TFDP3: variants seen among roughly 807,000 people sequenced by gnomAD.
The protein encoded by TFDP3 is E2F-like protein.
For missense variants in TFDP3, 353 were observed against 321.6 expected (o/e 1.10, Z -0.75); for synonymous variants, 167 against 131.3 (o/e 1.27, Z -1.86).
Position 133,217,737 on chromosome X carries a change from T to G in TFDP3, c.523A>C (p.Asn175His), listed in dbSNP as rs372789532. 21 of 1,210,374 alleles carry G rather than the reference T, an allele frequency of 1.7e-5. No individual in the cohort carries two copies. Among genetic ancestry groups the G allele is most frequent in the Non-Finnish European group, 2.2e-5 (20 of 895,364 alleles). ...TTCTTTTTCTCCCTGGAGATGATAT[T>G]CATGGCCATCAGCACGTTTAAGGCA... is the stretch of plus-strand genomic sequence containing the variant. ...YDALNVLMAM[N>H]IISREKKKIK... Residue 175 changes from asparagine (N) to histidine (H), a missense_variant, in exon 1 of 1, where the codon AAT becomes CAT. Asn to His is a moderately conservative substitution (Grantham distance 68). Transcript: ENST00000310125.
chrX:133,217,078 G>A lies in TFDP3; in HGVS notation c.1182C>T (p.Asn394=), dbSNP rs751698892. 24 of 1,206,640 alleles carry A rather than the reference G, an allele frequency of 2.0e-5. No homozygotes were observed. The highest frequency in any genetic ancestry group is 2.5e-5 in the Non-Finnish European group (22 of 893,255). The part of the protein sequence containing the change: ...AVEEEEEEDN[N]DDDLSENDED... ...CGTCATTCTCACTGAGGTCGTCATCGTTGTTGTCCTCCTCCTCTTCCTCCT... is the reference window on the plus strand; with the variant it reads ...CGTCATTCTCACTGAGGTCGTCATCATTGTTGTCCTCCTCCTCTTCCTCCT... Residue 394 remains asparagine, a synonymous_variant, in exon 1 of 1, where the codon AAC becomes AAT. Coordinates refer to ENST00000310125, the MANE Select transcript of TFDP3 (RefSeq NM_016521.3).
rs1365194831 is a variant in TFDP3, at chrX:133,217,871, C to A, written c.389G>T (p.Cys130Phe). 8.3e-7 allele frequency: 1 copy of A among 1,211,686 alleles called. No individual in the cohort carries two copies. The highest frequency in any genetic ancestry group is 1.8e-5 in the South Asian group (1 of 56,983). Reference protein sequence around the residue: ...ETVQRKGTTSCQEVVGELVAK... With the variant: ...ETVQRKGTTSFQEVVGELVAK... ...GACCAGCTCGCCCACCACTTCCTGG[C>A]AGGAAGTGGTCCCTTTCCTCTGCAC... is the stretch of plus-strand genomic sequence containing the variant. The change falls in exon 1 of 1, where the codon TGC becomes TTC. Residue 130 changes from cysteine to phenylalanine, a missense_variant. Transcript: ENST00000310125.
chrX:133,218,292 G>A lies in TFDP3; in HGVS notation c.-33C>T. On this transcript the variant is annotated 5_prime_UTR_variant, in exon 1 of 1. Coordinates refer to ENST00000310125, the MANE Select transcript of TFDP3 (RefSeq NM_016521.3). ...GATTTGGGAAATAAATGCTATAAAT[G>A]TTCACCTTTCCAGAGAAGAAAAACA... is the stretch of plus-strand genomic sequence containing the variant. 1.8e-6 allele frequency: 2 copies of A among 1,082,670 alleles called. No individual in the cohort carries two copies. The highest frequency in any genetic ancestry group is 2.4e-6 in the Non-Finnish European group (2 of 820,940). 89.2% of individuals were successfully genotyped at this position (1,082,670 alleles called of 1,213,427 possible).
Position 133,216,980 on chromosome X carries a change from A to C in TFDP3, c.*62T>G. On this transcript the variant is annotated 3_prime_UTR_variant, in exon 1 of 1. Coordinates refer to ENST00000310125, the MANE Select transcript of TFDP3 (RefSeq NM_016521.3). The stretch of plus-strand genomic sequence containing the variant: ...GAAACAGAAAACCTCACATTAAAAA[A>C]AAAAAAAAAGTTTCTTTTCCCTAAA... 8.8e-7 allele frequency: 1 copy of C among 1,137,528 alleles called. No homozygotes were observed. The highest frequency in any genetic ancestry group is 1.8e-5 in the African/African-American group (1 of 54,812). 93.7% of individuals were successfully genotyped at this position (1,137,528 alleles called of 1,213,427 possible). A position where few individuals can be genotyped will look rare whatever the true frequency, so the allele number is the denominator to read the frequency against.
At position 133,217,351 on chromosome X, in the gene TFDP3, C is replaced by A. The variant is rs757327847; in HGVS notation, c.909G>T (p.Gly303=). Residue 303 remains glycine, a synonymous_variant, in exon 1 of 1, where the codon GGG becomes GGT. Transcript: ENST00000310125. ...CGGCAGAGCAGCTCCCGGACTCTAG[C>A]CCAAAAGTCATGCCCATCCACATCA... The part of the protein sequence containing the change: ...EVLMWMGMTF[G]LESGSCSAED... 3.1e-5 allele frequency: 37 copies of A among 1,210,552 alleles called. No individual in the cohort carries two copies. Among genetic ancestry groups the A allele is most frequent in the Non-Finnish European group, 3.9e-5 (35 of 895,405 alleles).
rs770672252 is a variant in TFDP3 at position 133,217,897 on chromosome X, C to T, written c.363G>A (p.Thr121=). Residue 121 remains threonine, a synonymous_variant, in exon 1 of 1, where the codon ACG becomes ACA. Coordinates refer to ENST00000310125, the MANE Select transcript of TFDP3 (RefSeq NM_016521.3). The part of the protein sequence containing the change: ...LCRLSMKVWE[T]VQRKGTTSCQ... ...AGGAAGTGGTCCCTTTCCTCTGCAC[C>T]GTCTCCCAGACCTTCATGGAAAGAC... is the stretch of plus-strand genomic sequence containing the variant. The T allele has an allele frequency of 3.3e-6, 4 of 1,209,963 alleles. No individual in the cohort carries two copies. The East Asian group carries it at 8.9e-5, about 27-fold the overall frequency.
chrX:133,218,182 G>A lies in TFDP3; in HGVS notation c.78C>T (p.Pro26=), dbSNP rs765488446. Reference sequence around the variant, plus strand: ...TCACGGTGGAGGTGTGAACGGCCACGGGGCGGCTGGTCTGGTTCTCGTCCA... The same window carrying A: ...TCACGGTGGAGGTGTGAACGGCCACAGGGCGGCTGGTCTGGTTCTCGTCCA... The part of the protein sequence containing the change: ...VLMDENQTSR[P]VAVHTSTVNP... The change falls in exon 1 of 1, where the codon CCC becomes CCT. Residue 26 remains proline (P), a synonymous_variant. Transcript: ENST00000310125. 4.9e-5 allele frequency: 58 copies of A among 1,191,185 alleles called. No homozygotes were observed. In the South Asian group the frequency reaches 9.1e-4, roughly 19 times the overall value.
Position 133,216,984 on chromosome X carries a change from A to G in TFDP3, c.*58T>C, listed in dbSNP as rs1409715213. On this transcript the variant is annotated 3_prime_UTR_variant, in exon 1 of 1. Coordinates refer to ENST00000310125, the MANE Select transcript of TFDP3 (RefSeq NM_016521.3). ...CAGAAAACCTCACATTAAAAAAAAAAAAAAAGTTTCTTTTCCCTAAATGTT... is the reference window on the plus strand; with the variant it reads ...CAGAAAACCTCACATTAAAAAAAAAGAAAAAGTTTCTTTTCCCTAAATGTT... 6.2e-6 allele frequency: 7 copies of G among 1,136,130 alleles called. No individual in the cohort carries two copies. The African/African-American group carries it at 1.3e-4, about 21-fold the overall frequency. 93.6% of individuals were successfully genotyped at this position (1,136,130 alleles called of 1,213,427 possible).
chrX:133,218,076 G>A lies in TFDP3; in HGVS notation c.184C>T (p.Pro62Ser). ...NIDQQVVIGM[P>S]QRPAASNIPV... Reference sequence around the variant, plus strand: ...ATGTTTGATGCTGCTGGTCTCTGAGGCATACCAATTACCACTTGCTGGTCA... The same window carrying A: ...ATGTTTGATGCTGCTGGTCTCTGAGACATACCAATTACCACTTGCTGGTCA... The change falls in exon 1 of 1, where the codon CCT becomes TCT. Residue 62 changes from proline (P) to serine (S), a missense_variant. Coordinates refer to ENST00000310125, the MANE Select transcript of TFDP3 (RefSeq NM_016521.3). The A allele has an allele frequency of 8.3e-7, 1 of 1,211,519 alleles. No homozygotes were observed. Among genetic ancestry groups the A allele is most frequent in the Non-Finnish European group, 1.1e-6 (1 of 895,496 alleles).
chrX:133,217,019 C>A lies in TFDP3; in HGVS notation c.*23G>T. Reference sequence around the variant, plus strand: ...CTTTTCCCTAAATGTTTTCCTGAAGCTGAATCTTAAGGCGAGAGGACGTCA... The same window carrying A: ...CTTTTCCCTAAATGTTTTCCTGAAGATGAATCTTAAGGCGAGAGGACGTCA... On this transcript the variant is annotated 3_prime_UTR_variant, in exon 1 of 1. Coordinates refer to ENST00000310125, the MANE Select transcript of TFDP3 (RefSeq NM_016521.3). 2 of 1,149,070 alleles carry A rather than the reference C, an allele frequency of 1.7e-6. No individual in the cohort carries two copies. Among genetic ancestry groups the A allele is most frequent in the Non-Finnish European group, 1.2e-6 (1 of 866,465 alleles). 94.7% of individuals were successfully genotyped at this position (1,149,070 alleles called of 1,213,427 possible). A position where few individuals can be genotyped will look rare whatever the true frequency, so the allele number is the denominator to read the frequency against.
chrX:133,216,808 A>C lies in TFDP3; in HGVS notation c.*234T>G. ...AAAATGAAAACACAAAATCCTAAAA[A>C]GTAAATAAAGATTCTGTGTCAGCAC... On this transcript the variant is annotated 3_prime_UTR_variant, in exon 1 of 1. Coordinates refer to ENST00000310125, the MANE Select transcript of TFDP3 (RefSeq NM_016521.3). 1 of 351,185 alleles carries C rather than the reference A, an allele frequency of 2.8e-6. No individual in the cohort carries two copies. The allele number at this position is 351,185 out of a possible 1,213,427, so 28.9% of individuals were successfully genotyped here.
rs374413272 is a variant in TFDP3, at chrX:133,217,999, G to A, written c.261C>T (p.Asn87=). The change falls in exon 1 of 1, where the codon AAC becomes AAT. Residue 87 remains asparagine (N), a synonymous_variant. Coordinates refer to ENST00000310125, the MANE Select transcript of TFDP3 (RefSeq NM_016521.3). Reference sequence around the variant, plus strand: ...AAGGAGGTGAGGAGTAGGAATGCTGGTTCTGAGAGGCAAAGTGAGTGCTGG... The same window carrying A: ...AAGGAGGTGAGGAGTAGGAATGCTGATTCTGAGAGGCAAAGTGAGTGCTGG... ...NPPSTHFASQ[N]QHSYSSPPWA... 2 of 1,210,165 alleles carry A rather than the reference G, an allele frequency of 1.7e-6. No homozygotes were observed. The highest frequency in any genetic ancestry group is 1.8e-5 in the African/African-American group (1 of 57,120).
In TFDP3 at chrX:133,217,593, G is replaced by T. The variant is rs368393446; in HGVS notation, c.667C>A (p.Leu223Ile). Reference protein sequence around the residue: ...QKQSELQQLILQQIAFKNLVL... With the variant: ...QKQSELQQLIIQQIAFKNLVL... ...AGGTTCTTGAAAGCAATTTGCTGTAGAATAAGTTGTTGAAGTTCAGACTGT... is the reference window on the plus strand; with the variant it reads ...AGGTTCTTGAAAGCAATTTGCTGTATAATAAGTTGTTGAAGTTCAGACTGT... Residue 223 changes from leucine (L) to isoleucine (I), a missense_variant, in exon 1 of 1, where the codon CTA (leucine) becomes ATA (isoleucine). Leu to Ile is a conservative substitution (Grantham distance 5, BLOSUM62 2). Transcript: ENST00000310125. 3.3e-6 allele frequency: 4 copies of T among 1,210,052 alleles called. No homozygotes were observed. In the African/African-American group the frequency reaches 7.0e-5, roughly 21 times the overall value.
At position 133,217,144 on chromosome X, in the gene TFDP3, TC is replaced by T. The variant is rs781544316; in HGVS notation, c.1115del (p.Gly372AspfsTer40). ...CCACCCTGGAGCCACTGTACTGAGA[TC>T]CACCGGAGCTTGTGGCCAGCATCCC... is the stretch of plus-strand genomic sequence containing the variant. Reference protein sequence around the residue: ...AIGMLATSSGGSQYSGSRVET... With the variant: ...AIGMLATSSGXSQYSGSRVET... On this transcript the variant is annotated frameshift_variant, in exon 1 of 1. Transcript: ENST00000310125. LOFTEE classifies it low-confidence loss of function (END_TRUNC). 1.7e-6 allele frequency: 2 copies of T among 1,209,531 alleles called. No homozygotes were observed. Among genetic ancestry groups the T allele is most frequent in the South Asian group, 3.5e-5 (2 of 56,727 alleles).
At position 133,217,869 on chromosome X, in the gene TFDP3, G is replaced by C. The variant is rs984408004; in HGVS notation, c.391C>G (p.Gln131Glu). The change falls in exon 1 of 1, where the codon CAG (glutamine) becomes GAG (glutamate). Residue 131 changes from glutamine (Q) to glutamate (E), a missense_variant. Coordinates refer to ENST00000310125, the MANE Select transcript of TFDP3 (RefSeq NM_016521.3). ...GCGACCAGCTCGCCCACCACTTCCT[G>C]GCAGGAAGTGGTCCCTTTCCTCTGC... ...TVQRKGTTSC[Q>E]EVVGELVAKF... 5.2e-5 allele frequency: 63 copies of C among 1,209,691 alleles called. No individual in the cohort carries two copies. The highest frequency in any genetic ancestry group is 6.8e-5 in the Non-Finnish European group (61 of 895,098).
rs1188362607 is a variant in TFDP3 at position 133,217,237 on chromosome X, G to A, written c.1023C>T (p.Phe341=). Reference sequence around the variant, plus strand: ...CATTAGACCTGGAACCTGCCGTCGTGAACACACCTCCAAAAGTTCCCTGAG... The same window carrying A: ...CATTAGACCTGGAACCTGCCGTCGTAAACACACCTCCAAAAGTTCCCTGAG... ...EMAQGTFGGV[F]TTAGSRSNGT... Residue 341 remains phenylalanine (F), a synonymous_variant, in exon 1 of 1, where the codon TTC becomes TTT. Coordinates refer to ENST00000310125, the MANE Select transcript of TFDP3 (RefSeq NM_016521.3). 2 of 1,211,798 alleles carry A rather than the reference G, an allele frequency of 1.7e-6. No homozygotes were observed. Among genetic ancestry groups the A allele is most frequent in the Non-Finnish European group, 1.1e-6 (1 of 895,628 alleles).
Position 133,217,007 on chromosome X carries a change from G to A in TFDP3, c.*35C>T, listed in dbSNP as rs772888267. The A allele has an allele frequency of 2.6e-6, 3 of 1,133,665 alleles. No homozygotes were observed. Among genetic ancestry groups the A allele is most frequent in the Non-Finnish European group, 3.5e-6 (3 of 859,606 alleles). The allele number at this position is 1,133,665 out of a possible 1,213,427, so 93.4% of individuals were successfully genotyped here. ...AAAAAAAAGTTTCTTTTCCCTAAAT[G>A]TTTTCCTGAAGCTGAATCTTAAGGC... is the stretch of plus-strand genomic sequence containing the variant. On this transcript the variant is annotated 3_prime_UTR_variant, in exon 1 of 1. Transcript: ENST00000310125.
At position 133,217,753 on chromosome X, in the gene TFDP3, G is replaced by A. The variant is rs1348891257; in HGVS notation, c.507C>T (p.Asn169=). Residue 169 remains asparagine, a synonymous_variant, in exon 1 of 1, where the codon AAC becomes AAT. Transcript: ENST00000310125. ...AGATGATATTCATGGCCATCAGCAC[G>A]TTTAAGGCATCGTAGGTGCGCCGTT... ...NIKRRTYDAL[N]VLMAMNIISR... 4 of 1,211,826 alleles carry A rather than the reference G, an allele frequency of 3.3e-6. No homozygotes were observed. Among genetic ancestry groups the A allele is most frequent in the Non-Finnish European group, 3.3e-6 (3 of 895,595 alleles).
chrX:133,216,922 C>T lies in TFDP3; in HGVS notation c.*120G>A. The T allele has an allele frequency of 2.0e-6, 2 of 1,009,536 alleles. No homozygotes were observed. The highest frequency in any genetic ancestry group is 2.6e-6 in the Non-Finnish European group (2 of 771,783). 83.2% of individuals were successfully genotyped at this position (1,009,536 alleles called of 1,213,427 possible). On this transcript the variant is annotated 3_prime_UTR_variant, in exon 1 of 1. Coordinates refer to ENST00000310125, the MANE Select transcript of TFDP3 (RefSeq NM_016521.3). The stretch of plus-strand genomic sequence containing the variant: ...AGAGGTGCATATCTAAATTCTATAG[C>T]TTACCAATATCTTCTTGGGAGTAGG...
Sources: allele counts gnomAD v4.1 joint callset, GRCh38; gene constraint gnomAD v4.1.1; transcripts MANE v1.5; gene names NCBI Gene and HGNC (gene_info 2026-07-23, HGNC 2026-07-21).